The following SDCCAG8 variants were observed in gnomAD, a reference collection of about 807,000 sequenced individuals.
The protein encoded by SDCCAG8 is serologically defined colon cancer antigen 8.
SDCCAG8 carries 74 observed loss-of-function variants against 101.8 expected under a neutral mutation model. That is an observed-to-expected ratio of 0.73 (90% CI 0.60 to 0.88). SDCCAG8 has a LOEUF of 0.88. Among genes scored for constraint, SDCCAG8 ranks in the 40% least tolerant of loss-of-function variants. The pLI is 0.00. For synonymous variants in SDCCAG8, 281 were observed against 292.9 expected (o/e 0.96, Z 0.41); for missense variants, 787 against 822.6 (o/e 0.96, Z 0.53).
chr1:243,423,747 T>A (rs1013493915), intron 15 of SDCCAG8, among the ~76,000 whole-genome samples: 2 of 152,128 alleles, frequency 1.3e-5, no homozygotes, highest in Admixed American at 1.3e-4. Flanking sequence ...GAGATTTTTT[T>A]AAAAAAGCAT....
chr1:243,472,767 A>C (rs1661511352), intron 16 of SDCCAG8, among the ~76,000 whole-genome samples: 1 of 152,236 alleles, frequency 6.6e-6, no homozygotes, highest in Non-Finnish European at 1.5e-5. Context: ...ACAAGTCTAG[A>C]AATCTCAAGT....
chr1:243,448,989 A>G (rs1467424303), intron 16 of SDCCAG8, among the ~76,000 whole-genome samples: 2 of 152,348 alleles, frequency 1.3e-5, no homozygotes, highest in African/African-American at 2.4e-5. Flanking sequence ...CCTCTCATGT[A>G]TATCTTCATG....
At chr1:243,488,774 G>A (rs915228851) in intron 16 of SDCCAG8, among the ~76,000 whole-genome samples, 1 of 152,094 alleles carries the variant, frequency 6.6e-6, no homozygotes, top group Non-Finnish European at 1.5e-5. Context: ...TTATCTGCGT[G>A]TTTTCTAATT....
At chr1:243,414,571 A>G (rs1472752292) in intron 13 of SDCCAG8, among the ~76,000 whole-genome samples, 8 of 152,072 alleles carry the variant, frequency 5.3e-5, no homozygotes, top group Admixed American at 2.0e-4. Flanking sequence ...GCATTGACCA[A>G]TTTTAATACA....
At chr1:243,409,699 A>G (rs2080034932) in intron 13 of SDCCAG8, among the ~76,000 whole-genome samples, 1 of 152,194 alleles carries the variant, frequency 6.6e-6, no homozygotes, top group African/African-American at 2.4e-5. Flanking sequence ...GGCCAAATCC[A>G]GGATAAATTG....
At chr1:243,389,871 T>G (rs1308203929) in intron 13 of SDCCAG8, among the ~76,000 whole-genome samples, 1 of 152,188 alleles carries the variant, frequency 6.6e-6, no homozygotes, top group South Asian at 2.1e-4. Context: ...ACTTTTGGTG[T>G]TGTAAAATCT....
intron 16 of SDCCAG8, among the ~76,000 whole-genome samples, chr1:243,454,439 A>T (rs1163170970): frequency 1.3e-5 from 2 of 152,054 alleles, no homozygotes; most frequent in African/African-American, 4.8e-5. Flanking sequence ...GTTATCTTGG[A>T]ACTGTGGGAG....
chr1:243,274,020 A>C (rs908684485), intron 3 of SDCCAG8, among the ~76,000 whole-genome samples: 2 of 152,274 alleles, frequency 1.3e-5, no homozygotes, highest in Non-Finnish European at 2.9e-5. Flanking sequence ...TAAATACCTG[A>C]GGCTGGGTAA....
At chr1:243,405,893 A>G (rs1412730797) in intron 13 of SDCCAG8, among the ~76,000 whole-genome samples, 1 of 151,928 alleles carries the variant, frequency 6.6e-6, no homozygotes, top group African/African-American at 2.4e-5. Context: ...ATTTAATATT[A>G]TATCCTAGAA....
chr1:243,453,090 T>C (rs2083484677), intron 16 of SDCCAG8, among the ~76,000 whole-genome samples: 1 of 152,236 alleles, frequency 6.6e-6, no homozygotes, highest in South Asian at 2.1e-4. Flanking sequence ...AGAAAATACA[T>C]TTATCTTATG....
At chr1:243,317,196 C>A (rs1034287553) in intron 9 of SDCCAG8, among the ~76,000 whole-genome samples, 12 of 152,136 alleles carry the variant, frequency 7.9e-5, no homozygotes, top group African/African-American at 2.9e-4. Context: ...AAAATCTTAA[C>A]ACCCAGGCAT....
intron 7 of SDCCAG8, chr1:243,305,787 A>G (rs933993733): frequency 6.6e-6 from 1 of 152,242 alleles, no homozygotes; most frequent in African/African-American, 2.4e-5. Flanking sequence ...TAACTAGAGT[A>G]ATACTAAGAG....
Position 243,274,703 on chromosome 1 carries a change from A to C in SDCCAG8, c.420+47A>C, listed in dbSNP as rs752724539. ...TAAAACTAAATAAATGAAAGCTTAT[A>C]TTAACTATAGATTGTATTAAAATTT... On this transcript the variant is annotated intron_variant, in intron 4 of 17. Transcript: ENST00000366541. The C allele has an allele frequency of 6.3e-6, 7 of 1,102,698 alleles. No individual in the cohort carries two copies. In the Admixed American group the frequency reaches 8.6e-5, roughly 14 times the overall value. The allele number at this position is 1,102,698 out of a possible 1,614,324, so 68.3% of individuals were successfully genotyped here. A position where few individuals can be genotyped will look rare whatever the true frequency, so the allele number is the denominator to read the frequency against.
intron 16 of SDCCAG8, among the ~76,000 whole-genome samples, chr1:243,444,404 C>T (rs561571067): frequency 3.1e-4 from 47 of 151,540 alleles, no homozygotes; most frequent in African/African-American, 1.1e-3. Flanking sequence ...TGGAGTCTCG[C>T]TCTGTTGCCC....
chr1:243,438,142 C>T (rs2082272013), intron 16 of SDCCAG8, among the ~76,000 whole-genome samples: 1 of 152,078 alleles, frequency 6.6e-6, no homozygotes, highest in Admixed American at 6.5e-5. Context: ...GTTTTTTTGC[C>T]CCGCCTTCAA....
intron 16 of SDCCAG8, among the ~76,000 whole-genome samples, chr1:243,467,139 T>C (rs969595892): frequency 3.9e-5 from 6 of 152,266 alleles, no homozygotes; most frequent in African/African-American, 1.4e-4. Flanking sequence ...TAGACCCTCC[T>C]GGACACTGCT....
intron 15 of SDCCAG8, 120 bp from the exon 16 acceptor site, chr1:243,426,306 GT>G: frequency 1.1e-6 from 1 of 870,374 alleles, no homozygotes; most frequent in Non-Finnish European, 1.8e-6. Context: ...AAAGGATGTA[GT>G]TTTCATTATG....
intron 1 of SDCCAG8, among the ~76,000 whole-genome samples, chr1:243,266,687 G>C (rs931337476): frequency 3.3e-5 from 5 of 151,034 alleles, no homozygotes; most frequent in Admixed American, 6.6e-5. Flanking sequence ...CAGGCACGGT[G>C]GCTCATGCCT....
chr1:243,294,496 AGAGAAAGAGC>A (rs1239193712), intron 6 of SDCCAG8, among the ~76,000 whole-genome samples: 2 of 135,080 alleles, frequency 1.5e-5, no homozygotes, highest in Admixed American at 7.6e-5. Flanking sequence ...AGAGAGAGAG[AGAGAAAGAGC>A]GAGAGAGAGA....
Sources: gnomAD v4.1 joint callset for allele counts (sites outside exome capture counted in the v4.1 genomes callset) on GRCh38, gnomAD v4.1.1 for gene constraint, MANE v1.5 for transcripts, NCBI Gene and HGNC (gene_info 2026-07-23, HGNC 2026-07-21) for gene names.